Variants in FBRSL1 observed in about 807,000 individuals in gnomAD.
The protein encoded by FBRSL1 is fibrosin-1-like protein.
Under a neutral mutation model 89.6 loss-of-function variants are expected in FBRSL1, and 51 were observed. That is an observed-to-expected ratio of 0.57 (90% CI 0.45 to 0.72). The LOEUF (loss-of-function observed/expected upper bound fraction) is 0.72. Ranked by LOEUF, FBRSL1 falls within the 30% of genes least tolerant of loss-of-function variation. The probability of loss-of-function intolerance (pLI) is 0.00; values close to 1 mark genes in which losing one functional copy is unlikely to be tolerated. For synonymous variants in FBRSL1, 779 were observed against 681.1 expected, an observed-to-expected ratio of 1.14 and a Z score of -2.24; for missense variants, 1,618 against 1,451.8, an observed-to-expected ratio of 1.11 and a Z score of -1.86.
chr12:132,509,743 C>T (rs930294966), intron 2 of FBRSL1: 19 of 1,231,242 alleles, frequency 1.5e-5, no homozygotes, highest in South Asian at 8.2e-5. Context: ...TGGGCCAGCC[C>T]GTGTCACTGT....
chr12:132,498,944 C>G (rs575626304), intron 1 of FBRSL1, among the ~76,000 whole-genome samples: 101 of 152,348 alleles, frequency 6.6e-4, no homozygotes, highest in Admixed American at 2.3e-3. Context: ...GGCCACCTGC[C>G]CATGCTCCCG....
intron 5 of FBRSL1, among the ~76,000 whole-genome samples, chr12:132,562,982 ACACCTGGCCCCCACAGCCTGCACC>A (rs2039265477): frequency 1.0e-5 from 1 of 98,894 alleles, no homozygotes; most frequent in African/African-American, 3.4e-5. Flanking sequence ...GACCTACGCC[ACACCTGGCCCCCACAGCCTGCACC>A]CCACACCTGG....
chr12:132,569,872 G>A (rs931376642), intron 6 of FBRSL1, 54 bp from the exon 7 acceptor site: 20 of 1,293,408 alleles, frequency 1.5e-5, no homozygotes, highest in South Asian at 2.1e-5. Flanking sequence ...TGGGCCACAG[G>A]AGGGGCAGGG....
At chr12:132,502,226 C>T (rs764540557) in intron 1 of FBRSL1, among the ~76,000 whole-genome samples, 2 of 152,220 alleles carry the variant, frequency 1.3e-5, no homozygotes, top group Non-Finnish European at 2.9e-5. Context: ...GTGGTCCGTC[C>T]TTCTGGGGGC....
intron 15 of FBRSL1, 93 bp from the exon 16 acceptor site, chr12:132,581,346 G>A (rs1425664974): frequency 1.3e-6 from 2 of 1,546,084 alleles, no homozygotes; most frequent in African/African-American, 1.4e-5. Context: ...AAGGTTCACA[G>A]AGGAAATTGG....
intron 2 of FBRSL1, among the ~76,000 whole-genome samples, chr12:132,515,762 C>T (rs985580473): frequency 4.6e-5 from 7 of 151,806 alleles, no homozygotes; most frequent in Non-Finnish European, 7.4e-5. Context: ...TAGCCAGGCA[C>T]GGTGGCGCAC....
intron 1 of FBRSL1, among the ~76,000 whole-genome samples, chr12:132,500,340 C>T (rs113904558): frequency 6.6e-6 from 1 of 152,312 alleles, no homozygotes; most frequent in African/African-American, 2.4e-5. Context: ...CATGAGGAAC[C>T]TGACGCACAG....
chr12:132,571,559 C>T (rs1057099977), intron 9 of FBRSL1: 49 of 1,321,118 alleles, frequency 3.7e-5, no homozygotes, highest in Admixed American at 7.8e-5. Context: ...GGGGCGGGGG[C>T]GGGCGTGGGG....
Position 132,546,605 on chromosome 12 carries a change from G to A in FBRSL1, c.616-1398G>A, listed in dbSNP as rs1324012498. ...CCACGGCTGAAAGGCCAGACCGGGGGGGACCCTAGGAGAGGGCTTGGCCAC... is the reference window on the plus strand; with the variant it reads ...CCACGGCTGAAAGGCCAGACCGGGGAGGACCCTAGGAGAGGGCTTGGCCAC... On this transcript the variant is annotated intron_variant, in intron 4 of 18. Coordinates refer to ENST00000680143, the MANE Select transcript of FBRSL1 (RefSeq NM_001367871.1). The surrounding 1 kb of genome is among the most constrained non-coding windows in gnomAD (Gnocchi z 4.0). 1.3e-5 allele frequency among the ~76,000 whole-genome samples: 2 copies of A among 152,104 alleles called. No individual in the cohort carries two copies. Among genetic ancestry groups the A allele is most frequent in the African/African-American group, 4.8e-5 (2 of 41,420 alleles).
intron 18 of FBRSL1, among the ~76,000 whole-genome samples, chr12:132,582,636 T>C (rs1288213839): frequency 6.6e-6 from 1 of 151,846 alleles, no homozygotes; most frequent in African/African-American, 2.4e-5. Context: ...GACCTCCAGG[T>C]GGCCGCGCCC....
chr12:132,507,616 G>A (rs79206283), intron 1 of FBRSL1, among the ~76,000 whole-genome samples: 1 of 152,202 alleles, frequency 6.6e-6, no homozygotes, highest in African/African-American at 2.4e-5. Context: ...ACACGGGGAA[G>A]CATCTCTGTC....
chr12:132,541,067 G>A (rs1413585474), intron 4 of FBRSL1, among the ~76,000 whole-genome samples: 1 of 151,564 alleles, frequency 6.6e-6, no homozygotes, highest in Non-Finnish European at 1.5e-5. Flanking sequence ...CCCGAGGCAC[G>A]TCAGGTGCAA....
intron 4 of FBRSL1, among the ~76,000 whole-genome samples, chr12:132,541,773 C>T (rs1204033755): frequency 6.6e-6 from 1 of 152,252 alleles, no homozygotes; most frequent in Non-Finnish European, 1.5e-5. Context: ...ATATCCCGCC[C>T]GAGCGTGCGG....
rs764887400 is a variant in FBRSL1, at chr12:132,525,843, CG to C, written c.579+21del. 3.5e-5 allele frequency: 53 copies of C among 1,534,126 alleles called. No individual in the cohort carries two copies. The African/African-American group carries it at 7.0e-4, about 20-fold the overall frequency. On this transcript the variant is annotated intron_variant, in intron 3 of 18. Transcript: ENST00000680143. ...AGCGATGTGAGTACCCAGCTGCCCG[CG>C]CCCGGAGGCTCCGAGTCTGGGCCGC...
rs910082503 is a variant in FBRSL1 at position 132,536,465 on chromosome 12, AGT to A, written c.615+8483_615+8484del. ...GACTGTGAGTGCATGTGTATATGAC[AGT>A]GTGTGAATGCACATGTACATGAAGG... On this transcript the variant is annotated intron_variant, in intron 4 of 18. Transcript: ENST00000680143. Among the ~76,000 whole-genome samples the A allele has an allele frequency of 8.8e-5, 13 of 148,014 alleles. No individual in the cohort carries two copies. In the East Asian group the frequency reaches 1.2e-3, roughly 14 times the overall value.
At chr12:132,559,535 G>C (rs2038936311) in intron 5 of FBRSL1, among the ~76,000 whole-genome samples, 1 of 152,150 alleles carries the variant, frequency 6.6e-6, no homozygotes, top group African/African-American at 2.4e-5. Flanking sequence ...GGGGCCACAG[G>C]CGCGTGCCGC....
intron 2 of FBRSL1, chr12:132,511,312 G>A: frequency 2.0e-6 from 2 of 985,668 alleles, no homozygotes; most frequent in Non-Finnish European, 2.4e-6. Context: ...CTTCCCCACA[G>A]TCCCCTGCAG....
chr12:132,518,934 TGTCC>T (rs1467744453), intron 2 of FBRSL1, among the ~76,000 whole-genome samples: 2 of 150,584 alleles, frequency 1.3e-5, no homozygotes, highest in Admixed American at 1.3e-4. Flanking sequence ...TCCACCTGTC[TGTCC>T]ATCTATCCAC....
chr12:132,544,152 C>A (rs2037489067), intron 4 of FBRSL1, among the ~76,000 whole-genome samples: 1 of 152,304 alleles, frequency 6.6e-6, no homozygotes, highest in South Asian at 2.1e-4. Flanking sequence ...TTTAAGTGGT[C>A]TAGGGGCCCC....
Sources: allele counts gnomAD v4.1 joint callset (sites outside exome capture counted in the v4.1 genomes callset), GRCh38; gene constraint gnomAD v4.1.1; non-coding constraint Gnocchi (gnomAD v3.1); transcripts MANE v1.5; gene names NCBI Gene and HGNC (gene_info 2026-07-23, HGNC 2026-07-21).